The following PCDH15 variants were observed in gnomAD, a reference collection of about 807,000 sequenced individuals.
PCDH15 encodes protocadherin-15.
In PCDH15, 129 loss-of-function variants were observed where a neutral mutation model predicts 178.5. The ratio of observed to expected loss-of-function variants is 0.72; its 90% CI spans 0.63 to 0.84. PCDH15 has a LOEUF of 0.84. Among genes scored for constraint, PCDH15 ranks in the 40% least tolerant of loss-of-function variants. PCDH15 has a pLI of 0.00. For missense variants in PCDH15, 2,230 were observed against 2,099.9 expected, an observed-to-expected ratio of 1.06 and a Z score of -1.21; for synonymous variants, 800 against 732.0, an observed-to-expected ratio of 1.09 and a Z score of -1.50.
chr10:55,021,792 A>G (rs1266408063), intron 2 of PCDH15, among the ~76,000 whole-genome samples: 5 of 152,202 alleles, frequency 3.3e-5, no homozygotes, highest in Non-Finnish European at 5.9e-5. Context: ...TCACTTGTGA[A>G]GAAAGGCACA....
intron 2 of PCDH15, among the ~76,000 whole-genome samples, chr10:55,590,941 G>T (rs756984092): frequency 6.6e-6 from 1 of 151,948 alleles, no homozygotes; most frequent in Non-Finnish European, 1.5e-5. Flanking sequence ...AGCCAAAAAC[G>T]TGTTCTTAAT....
chr10:54,909,112 C>T (rs1427029224), intron 2 of PCDH15, among the ~76,000 whole-genome samples: 1 of 152,156 alleles, frequency 6.6e-6, no homozygotes, highest in Non-Finnish European at 1.5e-5. Flanking sequence ...TGTGGGCTTC[C>T]AAAAGGAGAA....
intron 13 of PCDH15, among the ~76,000 whole-genome samples, chr10:54,182,962 T>C (rs929694452): frequency 6.8e-6 from 1 of 147,624 alleles, no homozygotes; most frequent in Non-Finnish European, 1.5e-5. Context: ...TGCTTTTATT[T>C]GTTTTTGGTT....
chr10:55,320,734 C>G (rs556395142), upstream of PCDH15, among the ~76,000 whole-genome samples: 1 of 152,198 alleles, frequency 6.6e-6, no homozygotes, highest in African/African-American at 2.4e-5. Context: ...ATAACATGAT[C>G]AAACCCCCAA....
At chr10:54,458,156 T>G (rs1165491554) in intron 3 of PCDH15, among the ~76,000 whole-genome samples, 1 of 152,206 alleles carries the variant, frequency 6.6e-6, no homozygotes, top group Non-Finnish European at 1.5e-5. Flanking sequence ...ACTTTACTTT[T>G]AGACAACTAA....
chr10:54,203,767 C>A (rs529656722), intron 10 of PCDH15, among the ~76,000 whole-genome samples: 25 of 152,272 alleles, frequency 1.6e-4, no homozygotes, highest in African/African-American at 6.0e-4. Context: ...CTTCACCCAG[C>A]AAGGTGCAGG....
chr10:53,898,713 T>A (rs1349711573), intron 26 of PCDH15, among the ~76,000 whole-genome samples: 2 of 152,138 alleles, frequency 1.3e-5, no homozygotes. Context: ...CCCTTAACAA[T>A]CACTGCTCAA....
At chr10:55,329,369 T>G (rs1844132497) in intron 2 of PCDH15, among the ~76,000 whole-genome samples, 1 of 151,644 alleles carries the variant, frequency 6.6e-6, no homozygotes, top group South Asian at 2.1e-4. Context: ...AAATATTGTT[T>G]TAATTTCTAA....
chr10:54,946,377 G>T (rs1182211046), intron 2 of PCDH15, among the ~76,000 whole-genome samples: 1 of 151,772 alleles, frequency 6.6e-6, no homozygotes, highest in Non-Finnish European at 1.5e-5. Context: ...CCTTAACTGT[G>T]CTCCTTGGGT....
At chr10:54,702,648 T>C (rs943904028) in intron 1 of PCDH15, among the ~76,000 whole-genome samples, 3 of 150,642 alleles carry the variant, frequency 2.0e-5, no homozygotes, top group African/African-American at 7.3e-5. Flanking sequence ...CCTTGCAAGA[T>C]TGAACTAGGA....
At chr10:54,683,897 T>C (rs958226421) in intron 1 of PCDH15, among the ~76,000 whole-genome samples, 2 of 152,082 alleles carry the variant, frequency 1.3e-5, no homozygotes, top group African/African-American at 2.4e-5. Context: ...AAAATGATAG[T>C]TTGAAAATCA....
chr10:55,280,160 G>A (rs928533663), intron 1 of PCDH15, among the ~76,000 whole-genome samples: 1 of 151,856 alleles, frequency 6.6e-6, no homozygotes, highest in East Asian at 1.9e-4. Context: ...GAGAGAGCTG[G>A]GCAATCTCCT....
At chr10:55,497,962 T>C (rs894822115) in intron 2 of PCDH15, among the ~76,000 whole-genome samples, 7 of 151,978 alleles carry the variant, frequency 4.6e-5, no homozygotes, top group Non-Finnish European at 1.0e-4. Flanking sequence ...TTTAAATTCT[T>C]TTACCTACGG....
At chr10:54,655,591 G>C (rs2094388568) in intron 2 of PCDH15, 1 of 152,030 alleles carries the variant, frequency 6.6e-6, no homozygotes, top group Non-Finnish European at 1.5e-5. Flanking sequence ...CTTTAACAGA[G>C]TCTATTACTG....
In PCDH15 at chr10:54,099,513, A is replaced by AATATATAT. The variant is rs1554965277; in HGVS notation, c.1918-9458_1918-9451dup. Among the ~76,000 whole-genome samples, 237 of 117,816 alleles carry AATATATAT rather than the reference A, an allele frequency of 2.0e-3. 5 individuals carry two copies. Among genetic ancestry groups the AATATATAT allele is most frequent in the African/African-American group, 7.8e-3 (202 of 26,058 alleles). 77.3% of individuals were successfully genotyped at this position (117,816 alleles called of 152,430 possible). ...GACTCCATCTCAAAAAAAAAAAAAA[A>AATATATAT]ATATATATATATATATATAAAACAA... On this transcript the variant is annotated intron_variant, in intron 15 of 37. Coordinates refer to ENST00000644397, the MANE Select transcript of PCDH15 (RefSeq NM_001384140.1).
intron 2 of PCDH15, among the ~76,000 whole-genome samples, chr10:55,396,247 C>T (rs1451744826): frequency 6.6e-5 from 10 of 152,154 alleles, no homozygotes; most frequent in African/African-American, 2.4e-4. Flanking sequence ...AGAAACATCA[C>T]TCTGTTGCCT....
intron 1 of PCDH15, among the ~76,000 whole-genome samples, chr10:54,784,410 G>A (rs893708007): frequency 6.0e-5 from 9 of 151,240 alleles, no homozygotes; most frequent in Non-Finnish European, 7.4e-5. Flanking sequence ...CAGATTTCGC[G>A]GTAGAAATGT....
intron 3 of PCDH15, among the ~76,000 whole-genome samples, chr10:54,872,461 A>G (rs1254176417): frequency 6.6e-6 from 1 of 152,158 alleles, no homozygotes; most frequent in Non-Finnish European, 1.5e-5. Flanking sequence ...ATAATAAATT[A>G]TTTAGGAATA....
intron 9 of PCDH15, among the ~76,000 whole-genome samples, chr10:54,219,444 T>A (rs1262355485): frequency 1.3e-5 from 2 of 149,624 alleles, no homozygotes; most frequent in East Asian, 2.0e-4. Context: ...CAAAAAAAAA[T>A]TAGCCAGGCT....
Sources: gnomAD v4.1 joint callset for allele counts (sites outside exome capture counted in the v4.1 genomes callset) on GRCh38, gnomAD v4.1.1 for gene constraint, MANE v1.5 for transcripts, NCBI Gene and HGNC (gene_info 2026-07-23, HGNC 2026-07-21) for gene names.